Variants in SYNE1 observed in about 807,000 individuals in gnomAD.
The protein encoded by SYNE1 is spectrin repeat containing nuclear envelope protein 1, also known as nesprin-1.
In SYNE1, 616 loss-of-function variants were observed where a neutral mutation model predicts 1,111.0. That is an observed-to-expected ratio of 0.55 (90% CI 0.52 to 0.59). SYNE1 has a LOEUF of 0.59. Among genes scored for constraint, SYNE1 ranks in the 20% least tolerant of loss-of-function variants. The probability of loss-of-function intolerance (pLI) is 0.00; values close to 1 mark genes in which losing one functional copy is unlikely to be tolerated. For missense variants in SYNE1, 10,006 were observed against 10,417.0 expected (o/e 0.96, Z 1.72); for synonymous variants, 3,855 against 3,825.8 (o/e 1.01, Z -0.28).
At chr6:152,491,483 T>A (rs555213315) in intron 11 of SYNE1, among the ~76,000 whole-genome samples, 3 of 152,174 alleles carry the variant, frequency 2.0e-5, no homozygotes, top group Non-Finnish European at 4.4e-5. Context: ...TTAGCCTGTG[T>A]TCTCAAGAAC....
intron 6 of SYNE1, among the ~76,000 whole-genome samples, chr6:152,512,836 A>G (rs2099091997): frequency 6.6e-6 from 1 of 152,230 alleles, no homozygotes; most frequent in South Asian, 2.1e-4. Flanking sequence ...CTTACAATAC[A>G]TTCTTAGTAG....
Position 152,244,585 on chromosome 6 carries a change from G to A in SYNE1, c.19644C>T (p.Asp6548=). 1 of 1,614,122 alleles carries A rather than the reference G, an allele frequency of 6.2e-7. No individual in the cohort carries two copies. Among genetic ancestry groups the A allele is most frequent in the Non-Finnish European group, 8.5e-7 (1 of 1,179,974 alleles). The change falls in exon 106 of 146, where the codon GAC becomes GAT. Residue 6548 remains aspartate, a synonymous_variant. Coordinates refer to ENST00000367255, the MANE Select transcript of SYNE1 (RefSeq NM_182961.4). ...AGIIELKRRG[D]KLQVEQPSMQ... ...TGGACGGCTGCTCGACCTGTAGCTT[G>A]TCACCACGCCTCTTTAATTCAATGA...
At chr6:152,264,017 T>C (rs2092399068) in intron 100 of SYNE1, among the ~76,000 whole-genome samples, 1 of 151,866 alleles carries the variant, frequency 6.6e-6, no homozygotes, top group Non-Finnish European at 1.5e-5. Context: ...AAGACCAGCC[T>C]GGGCAACATG....
chr6:152,269,159 T>G lies in SYNE1; in HGVS notation c.18701A>C (p.Gln6234Pro). The change falls in exon 99 of 146, where the codon CAA (glutamine) becomes CCA (proline). Residue 6234 changes from glutamine to proline, a missense_variant. Gln to Pro is a moderately conservative substitution (Grantham distance 76). Coordinates refer to ENST00000367255, the MANE Select transcript of SYNE1 (RefSeq NM_182961.4). ...GAGAGGTAGGAAACACTTTACTTTT[T>G]GTTGCTGGAGACTGCTCTGCCGCTG... Reference protein sequence around the residue: ...TQQRQSSLQQQKELEQELAEQ... With the variant: ...TQQRQSSLQQPKELEQELAEQ... 6.2e-7 allele frequency: 1 copy of G among 1,614,218 alleles called. No individual in the cohort carries two copies.
intron 66 of SYNE1, among the ~76,000 whole-genome samples, chr6:152,357,868 G>A (rs1398388369): frequency 6.6e-6 from 1 of 152,034 alleles, no homozygotes; most frequent in Non-Finnish European, 1.5e-5. Flanking sequence ...ATGGCCCGCT[G>A]GCCTGGGCAC....
At position 152,304,396 on chromosome 6, in the gene SYNE1, G is replaced by A. The variant is rs754438351; in HGVS notation, c.17347-2333C>T. Among the ~76,000 whole-genome samples the A allele has an allele frequency of 3.3e-5, 5 of 152,118 alleles. No individual in the cohort carries two copies. The Middle Eastern group carries it at 0.01, about 310-fold the overall frequency. ...GTCACCCAGGCTGGAGTGCAGTGGC[G>A]CAATCTCGGCTCACTGCAACCTCCA... On this transcript the variant is annotated intron_variant, in intron 91 of 145. Transcript: ENST00000367255.
chr6:152,428,320 T>A lies in SYNE1; in HGVS notation c.4861A>T (p.Asn1621Tyr), dbSNP rs1217640935. 1 of 1,613,982 alleles carries A rather than the reference T, an allele frequency of 6.2e-7. No individual in the cohort carries two copies. The highest frequency in any genetic ancestry group is 8.5e-7 in the Non-Finnish European group (1 of 1,180,018). ...AFSASARKVVNRDSCVQEAAA... is the reference protein window; with the variant it reads ...AFSASARKVVYRDSCVQEAAA... Reference sequence around the variant, plus strand: ...GCCTCCTGAACACAGGAATCTCTGTTCACAACCTTCCTGGCACTGGCTGAG... The same window carrying A: ...GCCTCCTGAACACAGGAATCTCTGTACACAACCTTCCTGGCACTGGCTGAG... Residue 1621 changes from asparagine (N) to tyrosine (Y), a missense_variant, in exon 37 of 146, where the codon AAC becomes TAC. Asn to Tyr is a moderately radical substitution (Grantham distance 143). Coordinates refer to ENST00000367255, the MANE Select transcript of SYNE1 (RefSeq NM_182961.4).
At chr6:152,125,896 A>G (rs955062372) in intron 145 of SYNE1, 1 of 152,438 alleles carries the variant, frequency 6.6e-6, no homozygotes, top group East Asian at 1.9e-4. Context: ...ATCATAAATC[A>G]TGACAGCCAA....
chr6:152,427,774 C>G lies in SYNE1; in HGVS notation c.5019G>C (p.Arg1673=). ...CTGGGGAACTGGCTTTAGCTTCACC[C>G]CGCTCTAACCAGGTCAAAAAGGATG... is the stretch of plus-strand genomic sequence containing the variant. The part of the protein sequence containing the change: ...ELSSFLTWLE[R]GEAKASSPEM... The change falls in exon 38 of 146, where the codon CGG becomes CGC. Residue 1673 remains arginine (R), a synonymous_variant. Transcript: ENST00000367255. 1.2e-6 allele frequency: 2 copies of G among 1,614,122 alleles called. No homozygotes were observed. The highest frequency in any genetic ancestry group is 1.7e-6 in the Non-Finnish European group (2 of 1,180,028).
intron 130 of SYNE1, chr6:152,168,400 C>T: frequency 1.8e-6 from 1 of 562,542 alleles, no homozygotes; most frequent in East Asian, 2.9e-5. Flanking sequence ...CATTCATTAA[C>T]ATGTGCCAGG....
At chr6:152,483,398 T>C in intron 13 of SYNE1, 149 bp from the exon 14 acceptor site, 1 of 775,738 alleles carries the variant, frequency 1.3e-6, no homozygotes, top group African/African-American at 1.8e-5. Flanking sequence ...AATGTCTGTG[T>C]TCTGAGTTTG....
At chr6:152,500,974 A>T (rs1199742720) in intron 10 of SYNE1, among the ~76,000 whole-genome samples, 1 of 151,288 alleles carries the variant, frequency 6.6e-6, no homozygotes. Flanking sequence ...AAAAGAAAAC[A>T]TATTTTACAT....
At chr6:152,328,993 G>A (rs2096170724) in intron 78 of SYNE1, among the ~76,000 whole-genome samples, 2 of 152,170 alleles carry the variant, frequency 1.3e-5, no homozygotes, top group South Asian at 4.1e-4. Context: ...TCTCCATTTA[G>A]ACTCTTCATC....
At chr6:152,350,038 C>T in intron 72 of SYNE1, 130 bp downstream of exon 72, 2 of 1,196,782 alleles carry the variant, frequency 1.7e-6, no homozygotes, top group Non-Finnish European at 2.4e-6. Flanking sequence ...CTGATTCTCT[C>T]AGTACAATCA....
chr6:152,308,691 G>A, intron 90 of SYNE1, 59 bp from the exon 91 acceptor site: 1 of 1,554,756 alleles, frequency 6.4e-7, no homozygotes, highest in Non-Finnish European at 8.7e-7. Flanking sequence ...CAATAACTAG[G>A]TAAGTGATTC....
intron 14 of SYNE1, among the ~76,000 whole-genome samples, chr6:152,477,081 T>G (rs1048932356): frequency 6.6e-6 from 1 of 152,124 alleles, no homozygotes; most frequent in Non-Finnish European, 1.5e-5. Flanking sequence ...TTCTGAAGAC[T>G]TAGTCAAATG....
In SYNE1 at chr6:152,149,627, C is replaced by T; in HGVS notation, c.24492G>A (p.Glu8164=). The T allele has an allele frequency of 6.2e-7, 1 of 1,614,126 alleles. No homozygotes were observed. Among genetic ancestry groups the T allele is most frequent in the Non-Finnish European group, 8.5e-7 (1 of 1,180,030 alleles). Residue 8164 remains glutamate, a synonymous_variant, in exon 136 of 146, where the codon GAG becomes GAA. Coordinates refer to ENST00000367255, the MANE Select transcript of SYNE1 (RefSeq NM_182961.4). ...GCTGTTCTCCTTGGGCAATTATCTGCTCAATCTTATTGTGGTTCAGTGAAA... is the reference window on the plus strand; with the variant it reads ...GCTGTTCTCCTTGGGCAATTATCTGTTCAATCTTATTGTGGTTCAGTGAAA... The part of the protein sequence containing the change: ...QEISLNHNKI[E]QIIAQGEQLI...
At position 152,224,529 on chromosome 6, in the gene SYNE1, A is replaced by C. The variant is rs1223593057; in HGVS notation, c.21487T>G (p.Leu7163Val). The change falls in exon 117 of 146, where the codon TTA becomes GTA. Residue 7163 changes from leucine to valine, a missense_variant. Around this residue, in one of 7 missense-constraint regions of SYNE1, gnomAD observed 2,182 missense variants for 2,287.8 expected, o/e 0.95. Coordinates refer to ENST00000367255, the MANE Select transcript of SYNE1 (RefSeq NM_182961.4). ...TCCACCTGAACTTGCACAGCTTCTA[A>C]GGAGCCAGTCAGCAGACGGAATCGG... ...LSRFRLLTGS[L>V]EAVQVQVDNL... 1 of 1,613,964 alleles carries C rather than the reference A, an allele frequency of 6.2e-7. No individual in the cohort carries two copies. Among genetic ancestry groups the C allele is most frequent in the East Asian group, 2.2e-5 (1 of 44,870 alleles).
rs186030859 is a variant in SYNE1 at position 152,223,870 on chromosome 6, G to A, written c.21522+624C>T. Among the ~76,000 whole-genome samples, 88 of 152,292 alleles carry A rather than the reference G, an allele frequency of 5.8e-4. 1 individual carries two copies. Among genetic ancestry groups the A allele is most frequent in the African/African-American group, 1.8e-3 (76 of 41,568 alleles). ...GAGCAGTGACAGGTGAGAGTGGCCC[G>A]GTGCACAGGAGAGTGGGGGCAGCAG... On this transcript the variant is annotated intron_variant, in intron 117 of 145. Transcript: ENST00000367255.
Sources: gnomAD v4.1 joint callset for allele counts (sites outside exome capture counted in the v4.1 genomes callset) on GRCh38, gnomAD v4.1.1 for gene constraint, gnomAD v4.1.1 regional missense constraint, MANE v1.5 for transcripts, NCBI Gene and HGNC (gene_info 2026-07-23, HGNC 2026-07-21) for gene names.